The following DEUP1 variants were observed in gnomAD, a reference collection of about 807,000 sequenced individuals.
DEUP1 encodes coiled-coil domain containing 67.
Under a neutral mutation model 87.4 loss-of-function variants are expected in DEUP1, and 82 were observed. That is an observed-to-expected ratio of 0.94 (90% confidence interval 0.78 to 1.13). The LOEUF (loss-of-function observed/expected upper bound fraction) is 1.13. Ranked by LOEUF, DEUP1 falls within the 50% of genes most tolerant of loss-of-function variation. DEUP1 has a pLI of 0.00. For missense variants in DEUP1, 663 were observed against 681.5 expected (o/e 0.97, Z 0.30); for synonymous variants, 214 against 222.7 (o/e 0.96, Z 0.35).
chr11:93,340,529 G>A (rs1241453331), intron 2 of DEUP1, among the ~76,000 whole-genome samples: 1 of 152,170 alleles, frequency 6.6e-6, no homozygotes, highest in African/African-American at 2.4e-5. Flanking sequence ...TCTGAGCAAG[G>A]GAGTGACATT....
At chr11:93,354,090 G>T (rs1200927846) in intron 2 of DEUP1, among the ~76,000 whole-genome samples, 2 of 152,136 alleles carry the variant, frequency 1.3e-5, no homozygotes, top group East Asian at 3.8e-4. Flanking sequence ...AAAACTGAAT[G>T]CCTTTAACAG....
intron 13 of DEUP1, among the ~76,000 whole-genome samples, chr11:93,418,639 C>A (rs1947737894): frequency 6.6e-6 from 1 of 151,838 alleles, no homozygotes; most frequent in Non-Finnish European, 1.5e-5. Context: ...CCTCAGGGAT[C>A]TAGAACTAGA....
intron 2 of DEUP1, chr11:93,352,304 C>G (rs970956447): frequency 1.4e-5 from 10 of 699,996 alleles, no homozygotes; most frequent in Non-Finnish European, 2.1e-5. Context: ...GTTCCTTAGG[C>G]TGAAGTGTAA....
At chr11:93,392,742 A>T (rs80176438) in intron 9 of DEUP1, among the ~76,000 whole-genome samples, 7 of 152,064 alleles carry the variant, frequency 4.6e-5, no homozygotes, top group Non-Finnish European at 1.0e-4. Context: ...GAAAAAAAAA[A>T]TCCATTTTAA....
At chr11:93,391,461 G>C (rs914699300) in intron 9 of DEUP1, among the ~76,000 whole-genome samples, 8 of 152,148 alleles carry the variant, frequency 5.3e-5, no homozygotes, top group African/African-American at 1.7e-4. Context: ...TGTAATCCCA[G>C]CACTTTGGGA....
At chr11:93,414,283 G>A (rs1333334010) in intron 12 of DEUP1, among the ~76,000 whole-genome samples, 1 of 152,132 alleles carries the variant, frequency 6.6e-6, no homozygotes, top group Non-Finnish European at 1.5e-5. Context: ...GGAGGCCAAC[G>A]CAGGCGAATC....
At position 93,380,768 on chromosome 11, in the gene DEUP1, TA is replaced by T. The variant is rs574584369; in HGVS notation, c.790-4629del. On this transcript the variant is annotated intron_variant, in intron 7 of 13. Coordinates refer to ENST00000298050, the MANE Select transcript of DEUP1 (RefSeq NM_181645.4). ...TTTCTATGAGGAAGTTTACCAATAT[TA>T]TTTTTTTACAAGTATTTGTTCATTT... 7.6e-4 allele frequency among the ~76,000 whole-genome samples: 116 copies of T among 152,300 alleles called. 1 individual carries two copies. The South Asian group carries it at 0.023, about 31-fold the overall frequency.
Position 93,346,102 on chromosome 11 carries a change from T to C in DEUP1, c.30-9269T>C, listed in dbSNP as rs533006272. Among the ~76,000 whole-genome samples, 10 of 152,370 alleles carry C rather than the reference T, an allele frequency of 6.6e-5. No individual in the cohort carries two copies. The East Asian group carries it at 1.9e-3, about 29-fold the overall frequency. On this transcript the variant is annotated intron_variant, in intron 2 of 13. Transcript: ENST00000298050. The stretch of plus-strand genomic sequence containing the variant: ...TAGCCAGTTCTCCCAGCACCATTTA[T>C]TGAATAAGGAGTTTTTCCCCATTGC...
chr11:93,357,173 G>A (rs1944936995), intron 4 of DEUP1, 130 bp downstream of exon 4: 1 of 609,464 alleles, frequency 1.6e-6, no homozygotes, highest in African/African-American at 1.9e-5. Flanking sequence ...GCTTGGTCAT[G>A]TCTTTCCCTG....
intron 9 of DEUP1, among the ~76,000 whole-genome samples, chr11:93,393,274 T>G (rs1258726863): frequency 2.0e-5 from 3 of 151,970 alleles, no homozygotes; most frequent in African/African-American, 7.2e-5. Flanking sequence ...GTTTTTACTT[T>G]TCATAGAGCA....
At chr11:93,416,928 C>A (rs1042889935) in intron 13 of DEUP1, among the ~76,000 whole-genome samples, 4 of 152,254 alleles carry the variant, frequency 2.6e-5, no homozygotes, top group Middle Eastern at 3.4e-3. Flanking sequence ...AAGACAAAAA[C>A]CACATGATTA....
intron 2 of DEUP1, among the ~76,000 whole-genome samples, chr11:93,336,964 C>A (rs186795456): frequency 6.3e-4 from 96 of 152,276 alleles, no homozygotes; most frequent in African/African-American, 2.2e-3. Flanking sequence ...CATCTTCAAC[C>A]AAATTCTCAT....
At chr11:93,338,551 C>T (rs1270984934) in intron 2 of DEUP1, among the ~76,000 whole-genome samples, 2 of 151,854 alleles carry the variant, frequency 1.3e-5, no homozygotes, top group Non-Finnish European at 2.9e-5. Context: ...GAGGTACACA[C>T]CACCAAGACT....
chr11:93,415,259 A>C (rs12288686), intron 13 of DEUP1, 145 bp downstream of exon 13: 1 of 451,256 alleles, frequency 2.2e-6, no homozygotes, highest in Non-Finnish European at 4.0e-6. Flanking sequence ...TCTGCGAGCC[A>C]TTTGGCCATA....
intron 5 of DEUP1, among the ~76,000 whole-genome samples, chr11:93,366,532 T>C (rs892187369): frequency 2.6e-5 from 4 of 152,172 alleles, no homozygotes; most frequent in Non-Finnish European, 4.4e-5. Flanking sequence ...CTCCAGTCTC[T>C]ATAAAAACCC....
At chr11:93,365,384 G>A (rs1945364140) in intron 5 of DEUP1, among the ~76,000 whole-genome samples, 1 of 152,170 alleles carries the variant, frequency 6.6e-6, no homozygotes, top group Non-Finnish European at 1.5e-5. Context: ...AAAATGCACT[G>A]TGTTGTACTC....
chr11:93,434,936 G>A (rs895502426), intron 13 of DEUP1, among the ~76,000 whole-genome samples: 4 of 152,120 alleles, frequency 2.6e-5, no homozygotes, highest in African/African-American at 9.7e-5. Context: ...TCAAGAGGCC[G>A]TCCCAAAGCT....
chr11:93,408,890 T>A (rs147829947), intron 12 of DEUP1, among the ~76,000 whole-genome samples: 494 of 152,244 alleles, frequency 3.2e-3, no homozygotes, highest in East Asian at 6.8e-3. Flanking sequence ...GGAGTCTCGC[T>A]CTGTCGCCCA....
intron 7 of DEUP1, among the ~76,000 whole-genome samples, chr11:93,372,611 G>A (rs76214834): frequency 8.9e-4 from 136 of 152,218 alleles, no homozygotes; most frequent in African/African-American, 3.0e-3. Flanking sequence ...CTTTCCCCAT[G>A]CTTGGTAAGG....
Sources: allele counts gnomAD v4.1 joint callset (sites outside exome capture counted in the v4.1 genomes callset), GRCh38; gene constraint gnomAD v4.1.1; transcripts MANE v1.5; gene names NCBI Gene and HGNC (gene_info 2026-07-23, HGNC 2026-07-21).